CRADD: variants seen among roughly 807,000 people sequenced by gnomAD.
CRADD encodes the protein CARD and death domain containing adaptor protein.
CRADD carries 9 observed loss-of-function variants against 15.5 expected under a neutral mutation model. The observed-to-expected ratio is 0.58, with a 90% CI of 0.35 to 1.01. CRADD has a LOEUF of 1.01. Among genes scored for constraint, CRADD ranks in the 50% least tolerant of loss-of-function variants. The pLI, the probability that CRADD is intolerant of heterozygous loss-of-function variation, is 0.02. For synonymous variants in CRADD, 118 were observed against 107.6 expected, an observed-to-expected ratio of 1.10 and a Z score of -0.60; for missense variants, 227 against 250.3, an observed-to-expected ratio of 0.91 and a Z score of 0.63.
intron 2 of CRADD, among the ~76,000 whole-genome samples, chr12:93,789,733 T>C (rs972053772): frequency 2.0e-5 from 3 of 151,982 alleles, no homozygotes; most frequent in African/African-American, 7.3e-5. Flanking sequence ...GCTTTAAATA[T>C]GTGCAGTTTC....
intron 2 of CRADD, among the ~76,000 whole-genome samples, chr12:93,777,885 C>G (rs1269109487): frequency 6.6e-6 from 1 of 152,122 alleles, no homozygotes; most frequent in Non-Finnish European, 1.5e-5. Context: ...TAAATCAAAC[C>G]ATGACCTCCA....
chr12:93,717,526 C>A (rs1956183170), intron 2 of CRADD, among the ~76,000 whole-genome samples: 1 of 151,972 alleles, frequency 6.6e-6, no homozygotes, highest in Non-Finnish European at 1.5e-5. Context: ...GGTCTGTGAT[C>A]TATTTTTAAT....
intron 2 of CRADD, among the ~76,000 whole-genome samples, chr12:93,817,164 T>C (rs1957711446): frequency 6.6e-6 from 1 of 152,350 alleles, no homozygotes; most frequent in Non-Finnish European, 1.5e-5. Context: ...CTAGTCGCTG[T>C]CACTGTCTCC....
At chr12:93,756,088 T>C (rs894777424) in intron 2 of CRADD, among the ~76,000 whole-genome samples, 3 of 152,196 alleles carry the variant, frequency 2.0e-5, no homozygotes, top group African/African-American at 4.8e-5. Flanking sequence ...CATCCTTGAT[T>C]CCCCTTACTT....
rs373310361 is a variant in CRADD at position 93,884,491 on chromosome 12, T to G, written c.299-9559T>G. Among the ~76,000 whole-genome samples the G allele has an allele frequency of 1.1e-4, 16 of 152,260 alleles. 1 individual carries two copies. Among genetic ancestry groups the G allele is most frequent in the East Asian group, 7.7e-4 (4 of 5,162 alleles). On this transcript the variant is annotated intron_variant, in intron 2 of 2. Transcript: ENST00000548483. ...AAGCCTACTATTTCCCGACTGATTC[T>G]TTCTGAATAACGCCCACCTGCACAC...
intron 2 of CRADD, among the ~76,000 whole-genome samples, chr12:93,684,519 A>G (rs1363884646): frequency 6.6e-6 from 1 of 152,156 alleles, no homozygotes; most frequent in African/African-American, 2.4e-5. Flanking sequence ...ACGGACCGGT[A>G]TGGGAGTTGG....
At chr12:93,864,841 C>T (rs1271083914) in intron 2 of CRADD, among the ~76,000 whole-genome samples, 1 of 152,224 alleles carries the variant, frequency 6.6e-6, no homozygotes, top group Non-Finnish European at 1.5e-5. Flanking sequence ...TATGTAACTT[C>T]TCTGTGCTTC....
At chr12:93,685,685 A>G (rs1955411852) in intron 2 of CRADD, among the ~76,000 whole-genome samples, 1 of 152,212 alleles carries the variant, frequency 6.6e-6, no homozygotes, top group African/African-American at 2.4e-5. Context: ...AAATGTGTCA[A>G]CATAAAGGAG....
At chr12:93,723,349 G>T (rs956868856) in intron 2 of CRADD, among the ~76,000 whole-genome samples, 39 of 152,236 alleles carry the variant, frequency 2.6e-4, no homozygotes, top group African/African-American at 9.4e-4. Context: ...CCTAAGATTG[G>T]TGTTTGAGGT....
chr12:93,730,895 T>C (rs1270449949), intron 2 of CRADD, among the ~76,000 whole-genome samples: 2 of 152,106 alleles, frequency 1.3e-5, no homozygotes, highest in Non-Finnish European at 2.9e-5. Flanking sequence ...TTTATATTTT[T>C]AGTAGAGACG....
At chr12:93,873,359 A>G (rs926503683) in intron 2 of CRADD, among the ~76,000 whole-genome samples, 1 of 152,132 alleles carries the variant, frequency 6.6e-6, no homozygotes, top group Non-Finnish European at 1.5e-5. Context: ...GCAAACAAGG[A>G]TAATCTGACT....
chr12:93,858,820 C>CT lies in CRADD; in HGVS notation c.299-35230_299-35229insT, dbSNP rs1479262020. Among the ~76,000 whole-genome samples, 9 of 152,354 alleles carry CT rather than the reference C, an allele frequency of 5.9e-5. No individual in the cohort carries two copies. In the East Asian group the frequency reaches 1.7e-3, roughly 29 times the overall value. On this transcript the variant is annotated intron_variant, in intron 2 of 2. Transcript: ENST00000548483. ...ACCCTCATCCCAGAGGGGTCCTACC[C>CT]CATACCTGGGAGGAAGGAATGCTGC...
chr12:93,884,502 C>T (rs1201394092), intron 2 of CRADD, among the ~76,000 whole-genome samples: 1 of 152,140 alleles, frequency 6.6e-6, no homozygotes, highest in Non-Finnish European at 1.5e-5. Flanking sequence ...TTCTGAATAA[C>T]GCCCACCTGC....
At chr12:93,742,396 G>C (rs1311775238) in intron 2 of CRADD, among the ~76,000 whole-genome samples, 4 of 150,676 alleles carry the variant, frequency 2.7e-5, no homozygotes, top group Non-Finnish European at 4.4e-5. Flanking sequence ...CCCGCGGGCC[G>C]CGCAGCGGGG....
intron 2 of CRADD, among the ~76,000 whole-genome samples, chr12:93,723,277 C>A (rs1269560383): frequency 6.6e-6 from 1 of 152,162 alleles, no homozygotes; most frequent in Non-Finnish European, 1.5e-5. Context: ...GTCATGTAGC[C>A]AGAGGCCACA....
At chr12:93,884,142 G>T (rs1465458434) in intron 2 of CRADD, among the ~76,000 whole-genome samples, 1 of 152,210 alleles carries the variant, frequency 6.6e-6, no homozygotes, top group Non-Finnish European at 1.5e-5. Flanking sequence ...ACTGTCTGGG[G>T]AGGCTGGCTA....
chr12:93,701,260 G>T (rs1178495686), intron 2 of CRADD, among the ~76,000 whole-genome samples: 1 of 148,756 alleles, frequency 6.7e-6, no homozygotes, highest in Non-Finnish European at 1.5e-5. Flanking sequence ...TCTTCCTCCT[G>T]TTTCTCCTCC....
chr12:93,739,835 T>A (rs1956641612), intron 2 of CRADD, among the ~76,000 whole-genome samples: 1 of 152,186 alleles, frequency 6.6e-6, no homozygotes, highest in Non-Finnish European at 1.5e-5. Flanking sequence ...ACATTAATAA[T>A]CATTGTGGAG....
chr12:93,704,926 C>T (rs1468685451), intron 2 of CRADD, among the ~76,000 whole-genome samples: 2 of 152,186 alleles, frequency 1.3e-5, no homozygotes, highest in Non-Finnish European at 2.9e-5. Flanking sequence ...TAATAAGTGG[C>T]TCCCTCTGGT....
Sources: allele counts gnomAD v4.1 joint callset (sites outside exome capture counted in the v4.1 genomes callset), GRCh38; gene constraint gnomAD v4.1.1; transcripts MANE v1.5; gene names NCBI Gene and HGNC (gene_info 2026-07-23, HGNC 2026-07-21).